DOCK8: variants seen among roughly 807,000 people sequenced by gnomAD.
DOCK8 encodes dedicator of cytokinesis protein 8.
In DOCK8, 141 loss-of-function variants were observed where a neutral mutation model predicts 245.6. That is an observed-to-expected ratio of 0.57 (90% CI 0.50 to 0.66). DOCK8 has a LOEUF of 0.66. Ranked by LOEUF, DOCK8 falls within the 30% of genes least tolerant of loss-of-function variation. The pLI, the probability that DOCK8 is intolerant of heterozygous loss-of-function variation, is 0.00. For synonymous variants in DOCK8, 1,168 were observed against 970.2 expected (o/e 1.20, Z -3.79); for missense variants, 2,965 against 2,603.4 (o/e 1.14, Z -3.02).
At chr9:355,651 T>C (rs1242233972) in intron 14 of DOCK8, among the ~76,000 whole-genome samples, 2 of 152,162 alleles carry the variant, frequency 1.3e-5, no homozygotes, top group Non-Finnish European at 2.9e-5. Context: ...GGAAAAGTTG[T>C]TTTTTACCTA....
intron 15 of DOCK8, chr9:368,406 C>T: frequency 1.5e-6 from 1 of 651,436 alleles, no homozygotes; most frequent in Non-Finnish European, 2.8e-6. Context: ...TTCCATACTG[C>T]CCATAGGACC....
At chr9:442,999 A>G (rs567653228) in intron 42 of DOCK8, among the ~76,000 whole-genome samples, 2 of 152,320 alleles carry the variant, frequency 1.3e-5, no homozygotes, top group African/African-American at 2.4e-5. Flanking sequence ...AGAGCTAGCA[A>G]TTGACCCCAG....
chr9:235,626 G>A (rs1244253001), intron 1 of DOCK8, among the ~76,000 whole-genome samples: 2 of 152,134 alleles, frequency 1.3e-5, no homozygotes, highest in East Asian at 1.9e-4. Context: ...CCCAAGCCTC[G>A]CTGCCGCCTT....
intron 14 of DOCK8, among the ~76,000 whole-genome samples, chr9:346,741 G>C (rs1398702569): frequency 6.6e-6 from 1 of 152,190 alleles, no homozygotes; most frequent in Non-Finnish European, 1.5e-5. Context: ...TATCGCAGTG[G>C]AGTCTTAAGG....
At chr9:232,617 A>T (rs543776055) in intron 1 of DOCK8, among the ~76,000 whole-genome samples, 91 of 152,240 alleles carry the variant, frequency 6.0e-4, no homozygotes, top group African/African-American at 2.1e-3. Context: ...TTCCTGGTTT[A>T]GTCTTGGGAG....
At chr9:450,009 G>T (rs767776840) in intron 45 of DOCK8, 82 bp downstream of exon 45, 32 of 1,485,232 alleles carry the variant, frequency 2.2e-5, no homozygotes, top group Non-Finnish European at 2.8e-5. Flanking sequence ...CTTCCTTGGG[G>T]TTGATGAGGA....
intron 1 of DOCK8, among the ~76,000 whole-genome samples, chr9:248,671 C>T (rs73372551): frequency 0.032 from 4,862 of 152,066 alleles, 245 homozygotes; most frequent in African/African-American, 0.11. Context: ...AATGAAAATA[C>T]TGGCATGAGT....
chr9:436,305 C>T (rs2056900893), intron 39 of DOCK8, among the ~76,000 whole-genome samples: 1 of 152,188 alleles, frequency 6.6e-6, no homozygotes, highest in African/African-American at 2.4e-5. Context: ...CATCCAAAAG[C>T]ATAAAAATAA....
chr9:336,888 A>AG (rs2051337588), intron 12 of DOCK8, among the ~76,000 whole-genome samples, 170 bp downstream of exon 12: 1 of 152,202 alleles, frequency 6.6e-6, no homozygotes, highest in African/African-American at 2.4e-5. Flanking sequence ...TAATTTAAAA[A>AG]GAAAAGGGAT....
chr9:279,794 G>T (rs1395786925), intron 2 of DOCK8, among the ~76,000 whole-genome samples: 1 of 152,204 alleles, frequency 6.6e-6, no homozygotes, highest in Non-Finnish European at 1.5e-5. Flanking sequence ...GAGGATACAG[G>T]TGCGCCAGCT....
intron 12 of DOCK8, 51 bp from the exon 13 acceptor site, chr9:338,955 A>T: frequency 1.3e-6 from 2 of 1,516,966 alleles, no homozygotes; most frequent in Non-Finnish European, 1.8e-6. Flanking sequence ...TTTGTCCCCA[A>T]CCCAAGAGTC....
intron 11 of DOCK8, among the ~76,000 whole-genome samples, chr9:335,970 A>G (rs1586732437): frequency 6.6e-6 from 1 of 152,178 alleles, no homozygotes; most frequent in Non-Finnish European, 1.5e-5. Flanking sequence ...TCTCCACCCA[A>G]ATCCCAAAAG....
chr9:342,981 T>C (rs767529498), intron 14 of DOCK8, among the ~76,000 whole-genome samples: 1 of 152,182 alleles, frequency 6.6e-6, no homozygotes, highest in Non-Finnish European at 1.5e-5. Flanking sequence ...TAATACACAT[T>C]TCAGTCTTAA....
At chr9:413,704 C>T (rs1032570732) in intron 28 of DOCK8, among the ~76,000 whole-genome samples, 1 of 152,114 alleles carries the variant, frequency 6.6e-6, no homozygotes, top group Admixed American at 6.5e-5. Flanking sequence ...AATTAAATAC[C>T]ACTTGATACC....
At chr9:379,967 G>T (rs761127222) in intron 21 of DOCK8, 32 bp downstream of exon 21, 2 of 1,602,672 alleles carry the variant, frequency 1.2e-6, no homozygotes, top group Admixed American at 1.7e-5. Context: ...GACTCTGGTG[G>T]GCGGGGCAAC....
intron 26 of DOCK8, among the ~76,000 whole-genome samples, chr9:399,835 G>C (rs1417729444): frequency 6.6e-6 from 1 of 151,874 alleles, no homozygotes; most frequent in Admixed American, 6.6e-5. Context: ...CTTAACAATA[G>C]TAATATAAAT....
intron 4 of DOCK8, among the ~76,000 whole-genome samples, chr9:301,645 G>A (rs1193458320): frequency 2.0e-5 from 3 of 152,190 alleles, no homozygotes; most frequent in Admixed American, 6.5e-5. Flanking sequence ...AACAACTTCA[G>A]TAAAGTTTCA....
At chr9:296,133 T>C (rs186380892) in intron 4 of DOCK8, among the ~76,000 whole-genome samples, 27 of 152,310 alleles carry the variant, frequency 1.8e-4, no homozygotes, top group Admixed American at 6.5e-4. Flanking sequence ...CAATAGTACT[T>C]TTCTCCCCAT....
intron 19 of DOCK8, 77 bp downstream of exon 19, chr9:376,382 A>T (rs758649014): frequency 9.6e-7 from 1 of 1,040,884 alleles, no homozygotes; most frequent in Non-Finnish European, 1.5e-6. Flanking sequence ...ATAAAAGATC[A>T]GTGAAAATCC....
Sources: allele counts gnomAD v4.1 joint callset (sites outside exome capture counted in the v4.1 genomes callset), GRCh38; gene constraint gnomAD v4.1.1; transcripts MANE v1.5; gene names NCBI Gene and HGNC (gene_info 2026-07-23, HGNC 2026-07-21).